The following LRP1B variants were observed in gnomAD, a reference collection of about 807,000 sequenced individuals.
LRP1B encodes the protein LDL receptor related protein 1B.
Under a neutral mutation model 556.6 loss-of-function variants are expected in LRP1B, and 217 were observed. The observed-to-expected ratio is 0.39, with a 90% CI of 0.35 to 0.44. The LOEUF (loss-of-function observed/expected upper bound fraction) is 0.44, where lower values mean the gene tolerates loss of function less well. LRP1B is among the 20% of genes least tolerant of loss of function. The pLI, the probability that LRP1B is intolerant of heterozygous loss-of-function variation, is 1.00. For synonymous variants in LRP1B, 2,047 were observed against 1,865.8 expected (o/e 1.10, Z -2.50); for missense variants, 5,053 against 5,620.8 (o/e 0.90, Z 3.23).
intron 3 of LRP1B, among the ~76,000 whole-genome samples, chr2:141,405,048 G>A (rs1164918729): frequency 6.6e-6 from 1 of 151,846 alleles, no homozygotes; most frequent in African/African-American, 2.4e-5. Context: ...AGCAGAGATC[G>A]CACTACTGCA....
At chr2:141,342,765 A>G (rs2714222) in intron 3 of LRP1B, among the ~76,000 whole-genome samples, 91,629 of 151,894 alleles carry the variant, frequency 0.6, 28,518 homozygotes, top group African/African-American at 0.69. Flanking sequence ...CCTGAAAGTG[A>G]CAGGGAGAAT....
At chr2:141,013,358 G>A (rs1204660423) in intron 14 of LRP1B, among the ~76,000 whole-genome samples, 198 bp downstream of exon 14, 1 of 151,910 alleles carries the variant, frequency 6.6e-6, no homozygotes, top group Non-Finnish European at 1.5e-5. Flanking sequence ...GGAATTCCCA[G>A]GGATAATCAC....
intron 58 of LRP1B, among the ~76,000 whole-genome samples, chr2:140,485,846 T>TACACACACAC (rs10696198): frequency 0.044 from 6,226 of 142,284 alleles, 208 homozygotes; most frequent in East Asian, 0.13. Flanking sequence ...CTCACGCACA[T>TACACACACAC]ACACACACAC....
chr2:141,091,267 G>A (rs1482394998), intron 7 of LRP1B, among the ~76,000 whole-genome samples: 1 of 152,126 alleles, frequency 6.6e-6, no homozygotes, highest in African/African-American at 2.4e-5. Context: ...CTATTGGAAG[G>A]TTTTGAGTAG....
At chr2:141,021,797 C>T (rs186856365) in intron 11 of LRP1B, among the ~76,000 whole-genome samples, 19 of 151,904 alleles carry the variant, frequency 1.3e-4, no homozygotes, top group South Asian at 2.1e-4. Context: ...AATTCAGTGA[C>T]GCATCAGGAA....
intron 3 of LRP1B, among the ~76,000 whole-genome samples, chr2:141,442,582 C>A (rs987486945): frequency 2.6e-5 from 4 of 152,040 alleles, no homozygotes; most frequent in African/African-American, 7.2e-5. Context: ...CTCCCTCAGC[C>A]CCCAACCTGC....
intron 30 of LRP1B, among the ~76,000 whole-genome samples, chr2:140,840,506 T>A (rs1000193524): frequency 6.6e-6 from 1 of 152,202 alleles, no homozygotes; most frequent in African/African-American, 2.4e-5. Context: ...TTTAGCTCTA[T>A]GCAAGCTCCC....
At chr2:141,510,784 T>C (rs1448034795) in intron 2 of LRP1B, among the ~76,000 whole-genome samples, 1 of 151,900 alleles carries the variant, frequency 6.6e-6, no homozygotes, top group Non-Finnish European at 1.5e-5. Flanking sequence ...TCCTGACTTA[T>C]TTCTTTTTAG....
rs530868002 is a variant in LRP1B at position 141,041,784 on chromosome 2, C to T, written c.1789+7202G>A. Among the ~76,000 whole-genome samples, 4 of 151,842 alleles carry T rather than the reference C, an allele frequency of 2.6e-5. No individual in the cohort carries two copies. The East Asian group carries it at 5.9e-4, about 22-fold the overall frequency. On this transcript the variant is annotated intron_variant, in intron 11 of 90. Coordinates refer to ENST00000389484, the MANE Select transcript of LRP1B (RefSeq NM_018557.3). ...ATAAATGTTTGTGGTGATGAATAGG[C>T]TAATTTCCTTGATTTGATCATTACA... is the stretch of plus-strand genomic sequence containing the variant.
intron 1 of LRP1B, among the ~76,000 whole-genome samples, chr2:142,105,824 A>T (rs1275764100): frequency 6.6e-6 from 1 of 152,138 alleles, no homozygotes; most frequent in African/African-American, 2.4e-5. Flanking sequence ...TTAAATAATA[A>T]TGTCTAAATT....
At chr2:142,091,547 T>A (rs1269295369) in intron 1 of LRP1B, among the ~76,000 whole-genome samples, 1 of 152,134 alleles carries the variant, frequency 6.6e-6, no homozygotes, top group Non-Finnish European at 1.5e-5. Flanking sequence ...AAGATGTGAG[T>A]GAAATCAGGA....
intron 67 of LRP1B, among the ~76,000 whole-genome samples, chr2:140,379,406 C>T (rs1233069727): frequency 6.6e-6 from 1 of 151,958 alleles, no homozygotes; most frequent in Non-Finnish European, 1.5e-5. Flanking sequence ...ATAAAGAAAC[C>T]CTTTCAGGGC....
Position 141,105,904 on chromosome 2 carries a change from C to A in LRP1B, c.1014-43631G>T, listed in dbSNP as rs966417262. 3.3e-5 allele frequency among the ~76,000 whole-genome samples: 5 copies of A among 151,906 alleles called. No homozygotes were observed. In the South Asian group the frequency reaches 6.3e-4, roughly 19 times the overall value. On this transcript the variant is annotated intron_variant, in intron 7 of 90. Coordinates refer to ENST00000389484, the MANE Select transcript of LRP1B (RefSeq NM_018557.3). Reference sequence around the variant, plus strand: ...CTAGCAAGGAGATCTCCAGAGGGACCACAATCATCCTCTTAAAAAAAAAGC... The same window carrying A: ...CTAGCAAGGAGATCTCCAGAGGGACAACAATCATCCTCTTAAAAAAAAAGC...
intron 5 of LRP1B, among the ~76,000 whole-genome samples, chr2:141,239,398 A>C (rs1683779760): frequency 6.6e-6 from 1 of 152,112 alleles, no homozygotes; most frequent in Non-Finnish European, 1.5e-5. Context: ...TTTTCTATGC[A>C]GGAAAAAGAA....
At chr2:140,671,393 C>T (rs1255105467) in intron 41 of LRP1B, among the ~76,000 whole-genome samples, 5 of 152,090 alleles carry the variant, frequency 3.3e-5, no homozygotes, top group East Asian at 1.9e-4. Context: ...TGATGGCGGG[C>T]GCCTGTAGTA....
intron 3 of LRP1B, among the ~76,000 whole-genome samples, chr2:141,439,836 T>C (rs1680896097): frequency 6.6e-6 from 1 of 152,158 alleles, no homozygotes. Context: ...AAAGTCTGAG[T>C]GACCATAGAA....
chr2:141,962,272 A>C (rs1701422295), intron 1 of LRP1B, among the ~76,000 whole-genome samples: 1 of 151,798 alleles, frequency 6.6e-6, no homozygotes, highest in African/African-American at 2.4e-5. Context: ...TCAGGGCCAA[A>C]ATAATTTTCA....
At chr2:140,939,563 A>ACT (rs35932008) in intron 20 of LRP1B, among the ~76,000 whole-genome samples, 4,345 of 149,300 alleles carry the variant, frequency 0.029, 71 homozygotes, top group African/African-American at 0.04. Context: ...ATACATGCTT[A>ACT]CTTTTATATT....
At chr2:140,600,652 T>C (rs1281745358) in intron 42 of LRP1B, among the ~76,000 whole-genome samples, 1 of 151,862 alleles carries the variant, frequency 6.6e-6, no homozygotes, top group African/African-American at 2.4e-5. Context: ...TCATTTCATT[T>C]AAAAATAAAA....
Sources: allele counts gnomAD v4.1 joint callset (sites outside exome capture counted in the v4.1 genomes callset), GRCh38; gene constraint gnomAD v4.1.1; transcripts MANE v1.5; gene names NCBI Gene and HGNC (gene_info 2026-07-23, HGNC 2026-07-21).